The following SSBP3 variants were observed in gnomAD, a reference collection of about 807,000 sequenced individuals.
SSBP3 encodes the protein single-stranded DNA-binding protein 3.
A neutral mutation model predicts 69.6 loss-of-function variants in SSBP3; 5 were observed. That is an observed-to-expected ratio of 0.07 (90% CI 0.04 to 0.15). SSBP3 has a LOEUF of 0.15. Among genes scored for constraint, SSBP3 ranks in the 10% least tolerant of loss-of-function variants. SSBP3 has a pLI of 1.00. For synonymous variants in SSBP3, 196 were observed against 193.4 expected (o/e 1.01, Z -0.11); for missense variants, 312 against 534.0 (o/e 0.58, Z 4.10).
intron 5 of SSBP3, among the ~76,000 whole-genome samples, chr1:54,263,566 C>T (rs769998433): frequency 1.1e-4 from 16 of 152,238 alleles, no homozygotes; most frequent in Non-Finnish European, 2.1e-4. Context: ...ACTCGCCTGC[C>T]CTTTACAAGG....
chr1:54,302,811 A>C (rs1645826600), intron 4 of SSBP3, among the ~76,000 whole-genome samples: 1 of 152,204 alleles, frequency 6.6e-6, no homozygotes, highest in Non-Finnish European at 1.5e-5. Context: ...TTATGACAGG[A>C]GGGAGTATGA....
At chr1:54,280,593 T>C (rs764671619) in intron 5 of SSBP3, among the ~76,000 whole-genome samples, 41 of 152,134 alleles carry the variant, frequency 2.7e-4, no homozygotes, top group Admixed American at 9.2e-4. Context: ...GAACGAGAGA[T>C]GTTATGATCG....
intron 1 of SSBP3, among the ~76,000 whole-genome samples, chr1:54,405,708 C>T (rs1013880808): frequency 8.6e-5 from 13 of 151,766 alleles, no homozygotes; most frequent in Non-Finnish European, 1.6e-4. Context: ...CCACCAAGTA[C>T]CCCCTCCGGC....
chr1:54,268,098 C>T (rs141237086), intron 5 of SSBP3, among the ~76,000 whole-genome samples: 1 of 152,330 alleles, frequency 6.6e-6, no homozygotes, highest in Non-Finnish European at 1.5e-5. Context: ...GTCCAGACAG[C>T]ACCCCTCTCT....
At chr1:54,310,618 T>C (rs529462996) in intron 4 of SSBP3, among the ~76,000 whole-genome samples, 7 of 150,256 alleles carry the variant, frequency 4.7e-5, no homozygotes, top group South Asian at 2.1e-4. Flanking sequence ...ACAGTTTTAA[T>C]TGGGGTAAGT....
chr1:54,373,214 C>G (rs1291313136), intron 4 of SSBP3, among the ~76,000 whole-genome samples: 1 of 152,142 alleles, frequency 6.6e-6, no homozygotes, highest in East Asian at 1.9e-4. Context: ...TGGCAACAGT[C>G]TTGGGAGCAA....
chr1:54,294,170 AGAAAGAAAGAAAG>A (rs1645662273), intron 4 of SSBP3, among the ~76,000 whole-genome samples: 1 of 77,536 alleles, frequency 1.3e-5, no homozygotes, highest in African/African-American at 4.3e-5. Context: ...AAAGAAAGAA[AGAAAGAAAGAAAG>A]AAAGAAAGAA....
chr1:54,308,817 AG>A (rs1645947712), intron 4 of SSBP3, among the ~76,000 whole-genome samples: 1 of 152,058 alleles, frequency 6.6e-6, no homozygotes, highest in African/African-American at 2.4e-5. Context: ...TTGATCACCA[AG>A]GAAAGCAGAG....
intron 5 of SSBP3, among the ~76,000 whole-genome samples, chr1:54,280,603 G>C (rs1041632246): frequency 2.0e-5 from 3 of 152,160 alleles, no homozygotes; most frequent in Non-Finnish European, 4.4e-5. Context: ...TGTTATGATC[G>C]AGAGTGTCAT....
chr1:54,240,378 A>G (rs2100641644), intron 13 of SSBP3, among the ~76,000 whole-genome samples: 1 of 147,898 alleles, frequency 6.8e-6, no homozygotes, highest in East Asian at 2.0e-4. Flanking sequence ...GAATCGCTTG[A>G]GCCTGGGAGG....
intron 4 of SSBP3, among the ~76,000 whole-genome samples, chr1:54,297,862 G>C (rs558627314): frequency 1.1e-4 from 16 of 152,272 alleles, no homozygotes; most frequent in African/African-American, 3.8e-4. Context: ...AGTGAGCTTT[G>C]CAACAACTAA....
chr1:54,295,078 T>A (rs557616620), intron 4 of SSBP3, among the ~76,000 whole-genome samples: 1 of 152,002 alleles, frequency 6.6e-6, no homozygotes. Flanking sequence ...GCGGGAGGAA[T>A]CCATCACCCC....
chr1:54,250,036 T>C (rs1644799632), intron 9 of SSBP3, among the ~76,000 whole-genome samples: 1 of 152,180 alleles, frequency 6.6e-6, no homozygotes. Context: ...GCTTAGGCTG[T>C]GGGGAGGGAG....
chr1:54,263,896 GT>G (rs1645057772), intron 5 of SSBP3, among the ~76,000 whole-genome samples: 1 of 152,244 alleles, frequency 6.6e-6, no homozygotes, highest in Non-Finnish European at 1.5e-5. Context: ...AGGAAGAAAA[GT>G]TAGTACCAAA....
intron 4 of SSBP3, among the ~76,000 whole-genome samples, chr1:54,372,195 C>T (rs940256690): frequency 5.9e-5 from 9 of 152,228 alleles, no homozygotes; most frequent in African/African-American, 1.7e-4. Context: ...TGGCTCAGTT[C>T]TCCAACTGCA....
chr1:54,229,143 C>T (rs1327915867), intron 14 of SSBP3, among the ~76,000 whole-genome samples: 4 of 152,246 alleles, frequency 2.6e-5, no homozygotes, highest in African/African-American at 9.6e-5. Flanking sequence ...CTCCATCCCC[C>T]GTGTGGAGAG....
At chr1:54,341,335 T>C (rs930533469) in intron 4 of SSBP3, among the ~76,000 whole-genome samples, 1 of 152,142 alleles carries the variant, frequency 6.6e-6, no homozygotes, top group Non-Finnish European at 1.5e-5. Context: ...GTCTCCCCTT[T>C]AATGTGTTGG....
chr1:54,314,862 G>T (rs769860004), intron 4 of SSBP3, among the ~76,000 whole-genome samples: 2 of 152,132 alleles, frequency 1.3e-5, no homozygotes, highest in African/African-American at 4.8e-5. Context: ...GGGTACAGAC[G>T]CTGGACAGGG....
intron 7 of SSBP3, among the ~76,000 whole-genome samples, chr1:54,256,727 A>G (rs983887756): frequency 6.6e-6 from 1 of 152,156 alleles, no homozygotes; most frequent in African/African-American, 2.4e-5. Context: ...GGCAATTCTC[A>G]AAAGCTTCCA....
Sources: gnomAD v4.1 joint callset for allele counts (sites outside exome capture counted in the v4.1 genomes callset) on GRCh38, gnomAD v4.1.1 for gene constraint, MANE v1.5 for transcripts, NCBI Gene and HGNC (gene_info 2026-07-23, HGNC 2026-07-21) for gene names.